Variants in ALKBH8 observed in about 807,000 individuals in gnomAD.
ALKBH8 encodes alkB homolog 8, tRNA methyltransferase, also known as tRNA (carboxymethyluridine(34)-5-O)-methyltransferase ALKBH8.
In ALKBH8, 36 loss-of-function variants were observed where a neutral mutation model predicts 59.8. That is an observed-to-expected ratio of 0.60 (90% CI 0.46 to 0.79). ALKBH8 has a LOEUF of 0.79. Among genes scored for constraint, ALKBH8 ranks in the 30% least tolerant of loss-of-function variants. The pLI is 0.00. For missense variants in ALKBH8, 768 were observed against 801.0 expected (o/e 0.96, Z 0.50); for synonymous variants, 276 against 273.6 (o/e 1.01, Z -0.09).
chr11:107,505,550 TTATA>T (rs1862347738), intron 11 of ALKBH8, among the ~76,000 whole-genome samples: 1 of 152,182 alleles, frequency 6.6e-6, no homozygotes, highest in Admixed American at 6.5e-5. Context: ...CATTAATCAT[TTATA>T]TAATGCTTTT....
intron 3 of ALKBH8, among the ~76,000 whole-genome samples, chr11:107,554,968 T>C (rs2135580192): frequency 1.3e-5 from 2 of 152,336 alleles, no homozygotes; most frequent in Middle Eastern, 3.4e-3. Context: ...AGCATTAAAC[T>C]ATTTGTGATG....
chr11:107,534,123 C>T (rs188088254), intron 7 of ALKBH8, among the ~76,000 whole-genome samples: 1 of 152,140 alleles, frequency 6.6e-6, no homozygotes, highest in Admixed American at 6.5e-5. Context: ...GAGCGAGACA[C>T]CGTCTCACCA....
intron 10 of ALKBH8, 93 bp downstream of exon 10, chr11:107,522,203 AATG>A (rs1275098065): frequency 6.5e-6 from 9 of 1,379,544 alleles, no homozygotes; most frequent in Non-Finnish European, 6.8e-6. Context: ...ACTTTCTGGC[AATG>A]ATCTAAAAAA....
chr11:107,564,025 C>G (rs748810781), intron 1 of ALKBH8, among the ~76,000 whole-genome samples: 1 of 152,134 alleles, frequency 6.6e-6, no homozygotes, highest in African/African-American at 2.4e-5. Flanking sequence ...GGAGGTGCCC[C>G]CTTCTGACAA....
chr11:107,540,582 G>C (rs998576371), intron 7 of ALKBH8, among the ~76,000 whole-genome samples: 1 of 152,148 alleles, frequency 6.6e-6, no homozygotes, highest in Non-Finnish European at 1.5e-5. Context: ...TATTATAAAT[G>C]CTTAGCTTAA....
chr11:107,510,221 G>C (rs188339429), intron 11 of ALKBH8, among the ~76,000 whole-genome samples: 21 of 152,228 alleles, frequency 1.4e-4, no homozygotes, highest in African/African-American at 5.1e-4. Flanking sequence ...TGACCCATAA[G>C]GTGAGCTATA....
chr11:107,524,951 T>C (rs1347680328), intron 9 of ALKBH8, among the ~76,000 whole-genome samples: 1 of 152,218 alleles, frequency 6.6e-6, no homozygotes, highest in Non-Finnish European at 1.5e-5. Flanking sequence ...TGACAAGTTT[T>C]TGAGCAGTTT....
chr11:107,529,137 A>G (rs1419031004), intron 8 of ALKBH8, among the ~76,000 whole-genome samples: 1 of 152,192 alleles, frequency 6.6e-6, no homozygotes, highest in African/African-American at 2.4e-5. Context: ...TCTGCGACTT[A>G]CTGCTTCGTG....
rs1441322829 is a variant in ALKBH8, at chr11:107,503,533, G to C, written c.*1125C>G. 1 of 151,962 alleles carries C rather than the reference G, an allele frequency of 6.6e-6. No individual in the cohort carries two copies. Among genetic ancestry groups the C allele is most frequent in the Admixed American group, 6.6e-5 (1 of 15,264 alleles). 9.4% of individuals were successfully genotyped at this position (151,962 alleles called of 1,614,324 possible). The stretch of plus-strand genomic sequence containing the variant: ...GCCTTTTCCTTCTATGTGATAATTT[G>C]ACCTATGGTTGAATTTCTACCTTTG... On this transcript the variant is annotated 3_prime_UTR_variant, in exon 12 of 12. Transcript: ENST00000428149.
intron 7 of ALKBH8, among the ~76,000 whole-genome samples, chr11:107,545,095 G>T (rs1864195980): frequency 6.6e-6 from 1 of 152,154 alleles, no homozygotes. Flanking sequence ...AAAACTAAAA[G>T]AAGAGATTGT....
At chr11:107,525,959 T>C (rs1863336263) in intron 8 of ALKBH8, among the ~76,000 whole-genome samples, 2 of 151,986 alleles carry the variant, frequency 1.3e-5, no homozygotes, top group South Asian at 4.1e-4. Context: ...AAAACTCCAA[T>C]TAAAGAACAA....
Position 107,525,443 on chromosome 11 carries a change from C to A in ALKBH8, c.1028G>T (p.Cys343Phe). 1.3e-6 allele frequency: 2 copies of A among 1,544,066 alleles called. No individual in the cohort carries two copies. The highest frequency in any genetic ancestry group is 2.4e-5 in the South Asian group (2 of 83,368). The part of the protein sequence containing the change: ...FRKVRQTPCN[C>F]SYPLVCDSQR... ...ACGAGATAAGAGTATATACTTACTA[C>A]AGTTACAAGGTGTTTGCCTCACTTT... The change falls in exon 9 of 12, where the codon TGT (cysteine) becomes TTT (phenylalanine). Residue 343 changes from cysteine (C) to phenylalanine (F), a missense_variant and splice_region_variant. Physicochemically the swap from Cys to Phe is radical, Grantham distance 205. Coordinates refer to ENST00000428149, the MANE Select transcript of ALKBH8 (RefSeq NM_138775.3).
At position 107,505,221 on chromosome 11, in the gene ALKBH8, G is replaced by A; in HGVS notation, c.1438-6C>T. 2.0e-6 allele frequency: 3 copies of A among 1,503,964 alleles called. No homozygotes were observed. Among genetic ancestry groups the A allele is most frequent in the East Asian group, 2.5e-5 (1 of 40,530 alleles). The allele number at this position is 1,503,964 out of a possible 1,614,324, so 93.2% of individuals were successfully genotyped here. ...AGAGCTGCCACTCTACGCTCCTAAT[G>A]AAAAAAAACAAAACACATGATCAAC... is the stretch of plus-strand genomic sequence containing the variant. On this transcript the variant is annotated splice_region_variant and splice_polypyrimidine_tract_variant and intron_variant, in intron 11 of 11. Coordinates refer to ENST00000428149, the MANE Select transcript of ALKBH8 (RefSeq NM_138775.3).
At chr11:107,544,027 T>C (rs990764280) in intron 7 of ALKBH8, among the ~76,000 whole-genome samples, 9 of 152,212 alleles carry the variant, frequency 5.9e-5, no homozygotes, top group African/African-American at 2.2e-4. Context: ...ATTATGACTA[T>C]TCCCTAATTT....
chr11:107,504,577 A>C lies in ALKBH8; in HGVS notation c.*81T>G. ...TACTTTCCCACAAGTTTTCTCTTTA[A>C]TTAAAAGGGTAATTAATTTATTCTC... On this transcript the variant is annotated 3_prime_UTR_variant, in exon 12 of 12. Coordinates refer to ENST00000428149, the MANE Select transcript of ALKBH8 (RefSeq NM_138775.3). The C allele has an allele frequency of 1.3e-6, 2 of 1,503,488 alleles. No homozygotes were observed. The highest frequency in any genetic ancestry group is 1.8e-6 in the Non-Finnish European group (2 of 1,108,598). 93.1% of individuals were successfully genotyped at this position (1,503,488 alleles called of 1,614,324 possible). A position where few individuals can be genotyped will look rare whatever the true frequency, so the allele number is the denominator to read the frequency against.
At position 107,542,138 on chromosome 11, in the gene ALKBH8, AG is replaced by A. The variant is rs77515997; in HGVS notation, c.771+7614del. Among the ~76,000 whole-genome samples, 61 of 152,264 alleles carry A rather than the reference AG, an allele frequency of 4.0e-4. No homozygotes were observed. In the East Asian group the frequency reaches 0.012, roughly 29 times the overall value. On this transcript the variant is annotated intron_variant, in intron 7 of 11. Transcript: ENST00000428149. ...AGGTAAATGAAGAAAGAATGGGGGC[AG>A]GGGCAAAATCTACAGAGGCAATTAC...
At chr11:107,507,731 T>C (rs550846575) in intron 11 of ALKBH8, among the ~76,000 whole-genome samples, 1 of 152,292 alleles carries the variant, frequency 6.6e-6, no homozygotes, top group African/African-American at 2.4e-5. Context: ...AAGAAGAGAC[T>C]GACACTAGAA....
At position 107,548,806 on chromosome 11, in the gene ALKBH8, G is replaced by A. The variant is rs17107127; in HGVS notation, c.771+947C>T. ...GATACAGACTCTAATTAGATTAGAT[G>A]ACCTGATGTTTTAAGGACTCTTCCA... On this transcript the variant is annotated intron_variant, in intron 7 of 11. Coordinates refer to ENST00000428149, the MANE Select transcript of ALKBH8 (RefSeq NM_138775.3). 3.6e-3 allele frequency among the ~76,000 whole-genome samples: 549 copies of A among 151,984 alleles called. 2 individuals carry two copies. The highest frequency in any genetic ancestry group is 0.011 in the African/African-American group (471 of 41,462).
rs1221592329 is a variant in ALKBH8, at chr11:107,535,064, G to A, written c.772-2658C>T. On this transcript the variant is annotated intron_variant, in intron 7 of 11. Transcript: ENST00000428149. ...AATAATAGTCTCCAGTTCCATCCAGGTTGCTGCGAATGTCATTATTTTGTT... is the reference window on the plus strand; with the variant it reads ...AATAATAGTCTCCAGTTCCATCCAGATTGCTGCGAATGTCATTATTTTGTT... Among the ~76,000 whole-genome samples the A allele has an allele frequency of 3.3e-5, 5 of 152,200 alleles. No homozygotes were observed. The South Asian group carries it at 1.0e-3, about 32-fold the overall frequency.
Sources: allele counts gnomAD v4.1 joint callset (sites outside exome capture counted in the v4.1 genomes callset), GRCh38; gene constraint gnomAD v4.1.1; transcripts MANE v1.5; gene names NCBI Gene and HGNC (gene_info 2026-07-23, HGNC 2026-07-21).